GPR174: variants seen among roughly 807,000 people sequenced by gnomAD.
The protein encoded by GPR174 is probable G protein-coupled receptor 174.
In GPR174, 8 loss-of-function variants were observed where a neutral mutation model predicts 16.5. That is an observed-to-expected ratio of 0.48 (90% CI 0.28 to 0.87). GPR174 has a LOEUF of 0.87. GPR174 is among the 40% of genes least tolerant of loss of function. GPR174 has a pLI of 0.09. For synonymous variants in GPR174, 111 were observed against 94.8 expected (o/e 1.17, Z -0.99); for missense variants, 214 against 247.5 (o/e 0.86, Z 0.91).
chrX:79,152,802 A>C (rs1190213603), intron 1 of GPR174, among the ~76,000 whole-genome samples: 1 of 111,852 alleles, frequency 8.9e-6, no homozygotes, highest in Non-Finnish European at 1.9e-5. Context: ...AATTGAGGAC[A>C]CTTCTCTCTT....
chrX:79,172,100 A>G lies in GPR174; in HGVS notation c.*91A>G. 4.3e-6 allele frequency: 4 copies of G among 937,730 alleles called. No individual in the cohort carries two copies. Among genetic ancestry groups the G allele is most frequent in the Non-Finnish European group, 5.9e-6 (4 of 681,755 alleles). 77.3% of individuals were successfully genotyped at this position (937,730 alleles called of 1,213,427 possible). On this transcript the variant is annotated 3_prime_UTR_variant, in exon 3 of 3. Coordinates refer to ENST00000645147, the MANE Select transcript of GPR174 (RefSeq NM_032553.3). Reference sequence around the variant, plus strand: ...GCCACAGGGAAGAACTTGCAAAACAACACAGCTTTTCAGTTCTGCTCTATC... The same window carrying G: ...GCCACAGGGAAGAACTTGCAAAACAGCACAGCTTTTCAGTTCTGCTCTATC...
At chrX:79,157,950 G>A (rs149817332) in intron 2 of GPR174, among the ~76,000 whole-genome samples, 8 of 108,872 alleles carry the variant, frequency 7.3e-5, no homozygotes, top group East Asian at 2.9e-4. Flanking sequence ...GTTATACTTC[G>A]GACCAGGAGG....
chrX:79,173,755 G>T lies in GPR174; in HGVS notation c.*1746G>T, dbSNP rs1336129461. 1 of 112,214 alleles carries T rather than the reference G, an allele frequency of 8.9e-6. No individual in the cohort carries two copies. The highest frequency in any genetic ancestry group is 1.9e-5 in the Non-Finnish European group (1 of 53,195). The allele number at this position is 112,214 out of a possible 1,213,427, so 9.2% of individuals were successfully genotyped here. A position where few individuals can be genotyped will look rare whatever the true frequency, so the allele number is the denominator to read the frequency against. ...GTGCTGCTAGCAAGTGTATCTATGT[G>T]TCTCCTAACTAATCATTGTAAGGTA... On this transcript the variant is annotated 3_prime_UTR_variant, in exon 3 of 3. Coordinates refer to ENST00000645147, the MANE Select transcript of GPR174 (RefSeq NM_032553.3).
At chrX:79,152,049 G>T (rs1022987518) in intron 1 of GPR174, among the ~76,000 whole-genome samples, 2 of 111,934 alleles carry the variant, frequency 1.8e-5, no homozygotes, top group Non-Finnish European at 3.8e-5. Context: ...CTGAACTCCA[G>T]ATATGAGCCT....
At chrX:79,169,142 C>T (rs1331487771) in intron 2 of GPR174, among the ~76,000 whole-genome samples, 3 of 111,461 alleles carry the variant, frequency 2.7e-5, no homozygotes, top group African/African-American at 9.8e-5. Context: ...TTCCCTTTCT[C>T]TCTACTTTTT....
intron 2 of GPR174, among the ~76,000 whole-genome samples, chrX:79,166,581 G>A (rs1921377013): frequency 9.3e-6 from 1 of 107,668 alleles, no homozygotes; most frequent in Admixed American, 1.0e-4. Flanking sequence ...TGGGATTACA[G>A]GCGTGTGCCA....
In GPR174 at chrX:79,171,241, C is replaced by T. The variant is rs1921506988; in HGVS notation, c.234C>T (p.Tyr78=). Residue 78 remains tyrosine (Y), a synonymous_variant, in exon 3 of 3, where the codon TAC becomes TAT. Coordinates refer to ENST00000645147, the MANE Select transcript of GPR174 (RefSeq NM_032553.3). ...QVLSLPLRIF[Y]YLNHDWPFGP... ...TTTCCTTGCCACTGAGGATCTTCTA[C>T]TACTTGAATCATGACTGGCCATTTG... 8.3e-7 allele frequency: 1 copy of T among 1,210,989 alleles called. No individual in the cohort carries two copies. Among genetic ancestry groups the T allele is most frequent in the Non-Finnish European group, 1.1e-6 (1 of 894,911 alleles).
At chrX:79,154,611 C>T (rs1410524700) in intron 1 of GPR174, among the ~76,000 whole-genome samples, 1 of 110,524 alleles carries the variant, frequency 9.0e-6, no homozygotes, top group East Asian at 2.8e-4. Flanking sequence ...TTGTATATTC[C>T]CCAATATTTA....
In GPR174 at chrX:79,144,988, TTCTTTCTC is replaced by T. The variant is rs1207443701; in HGVS notation, c.-879_-872del. On this transcript the variant is annotated 5_prime_UTR_variant, in exon 1 of 3. Transcript: ENST00000645147. ...TTTCTCTTTCTTTCTTTTTCTTTCT[TTCTTTCTC>T]TCTCTCTCTCTTTCTTTCTTTCTTT... 3 of 63,482 alleles carry T rather than the reference TTCTTTCTC, an allele frequency of 4.7e-5. No homozygotes were observed. Among genetic ancestry groups the T allele is most frequent in the Non-Finnish European group, 6.2e-5 (2 of 32,277 alleles). The allele number at this position is 63,482 out of a possible 1,213,427, so 5.2% of individuals were successfully genotyped here.
At chrX:79,158,803 A>G (rs1216347446) in intron 2 of GPR174, among the ~76,000 whole-genome samples, 1 of 108,427 alleles carries the variant, frequency 9.2e-6, no homozygotes, top group Non-Finnish European at 1.9e-5. Flanking sequence ...ACAGTTAAAA[A>G]GAATGAATAA....
chrX:79,145,770 A>T (rs891639557), intron 1 of GPR174, among the ~76,000 whole-genome samples: 1 of 111,873 alleles, frequency 8.9e-6, no homozygotes, highest in Non-Finnish European at 1.9e-5. Flanking sequence ...TTTTCACTGT[A>T]AAAGTTAATT....
chrX:79,153,158 C>T (rs531605127), intron 1 of GPR174, among the ~76,000 whole-genome samples: 12 of 112,324 alleles, frequency 1.1e-4, no homozygotes, highest in Middle Eastern at 4.6e-3. Context: ...TGTTTCTACT[C>T]TAAATATATG....
At chrX:79,167,289 G>T (rs957845654) in intron 2 of GPR174, among the ~76,000 whole-genome samples, 2 of 111,604 alleles carry the variant, frequency 1.8e-5, no homozygotes, top group Non-Finnish European at 3.8e-5. Flanking sequence ...TAGATCCTTT[G>T]GCTCCACTCT....
Position 79,172,016 on chromosome X carries a change from A to T in GPR174, c.*7A>T. On this transcript the variant is annotated 3_prime_UTR_variant, in exon 3 of 3. Transcript: ENST00000645147. ...GACACCTGAATTATGCTAAAACAAA[A>T]AACCAAACTGAATGTGACCTGAAAT... is the stretch of plus-strand genomic sequence containing the variant. The T allele has an allele frequency of 8.5e-7, 1 of 1,174,653 alleles. No homozygotes were observed. The highest frequency in any genetic ancestry group is 1.1e-6 in the Non-Finnish European group (1 of 877,716).
intron 1 of GPR174, among the ~76,000 whole-genome samples, chrX:79,148,620 A>C (rs945130107): frequency 2.7e-5 from 3 of 111,021 alleles, no homozygotes; most frequent in African/African-American, 9.8e-5. Context: ...TCGGACTCAG[A>C]TGACTCTCCT....
rs1428384433 is a variant in GPR174 at position 79,167,301 on chromosome X, T to G, written c.-556-3151T>G. ...ATGTAGATCCTTTGGCTCCACTCTTTGACAAATAAGATTCAGTTGTCCATC... is the reference window on the plus strand; with the variant it reads ...ATGTAGATCCTTTGGCTCCACTCTTGGACAAATAAGATTCAGTTGTCCATC... On this transcript the variant is annotated intron_variant, in intron 2 of 2. Coordinates refer to ENST00000645147, the MANE Select transcript of GPR174 (RefSeq NM_032553.3). 2.7e-5 allele frequency among the ~76,000 whole-genome samples: 3 copies of G among 112,089 alleles called. No individual in the cohort carries two copies. The East Asian group carries it at 8.4e-4, about 31-fold the overall frequency.
chrX:79,171,376 C>G lies in GPR174; in HGVS notation c.369C>G (p.Pro123=). The change falls in exon 3 of 3, where the codon CCC becomes CCG. Residue 123 remains proline, a synonymous_variant. Coordinates refer to ENST00000645147, the MANE Select transcript of GPR174 (RefSeq NM_032553.3). ...GACGATTTTGGTTTCTCATGTACCC[C>G]TTTCGCTTCCATGACTGCAAACAGA... ...SVRRFWFLMY[P]FRFHDCKQKY... is the part of the protein sequence containing the mutation. 3.3e-6 allele frequency: 4 copies of G among 1,211,666 alleles called. No individual in the cohort carries two copies. Among genetic ancestry groups the G allele is most frequent in the Non-Finnish European group, 4.5e-6 (4 of 895,470 alleles).
At position 79,166,193 on chromosome X, in the gene GPR174, G is replaced by A. The variant is rs186892835; in HGVS notation, c.-556-4259G>A. On this transcript the variant is annotated intron_variant, in intron 2 of 2. Transcript: ENST00000645147. ...GTGCTAAAAACAGAAGACACTGATA[G>A]CCAGCCAGATATTTGGCTACATGTA... is the stretch of plus-strand genomic sequence containing the variant. 2.1e-4 allele frequency among the ~76,000 whole-genome samples: 24 copies of A among 111,719 alleles called. No homozygotes were observed. The East Asian group carries it at 5.1e-3, about 24-fold the overall frequency.
intron 2 of GPR174, among the ~76,000 whole-genome samples, chrX:79,158,604 C>A (rs1046548597): frequency 3.8e-5 from 4 of 106,622 alleles, no homozygotes; most frequent in African/African-American, 1.4e-4. Flanking sequence ...CCACCACACC[C>A]GACTAATTTT....
Sources: allele counts gnomAD v4.1 joint callset (sites outside exome capture counted in the v4.1 genomes callset), GRCh38; gene constraint gnomAD v4.1.1; transcripts MANE v1.5; gene names NCBI Gene and HGNC (gene_info 2026-07-23, HGNC 2026-07-21).